The following DLGAP1 variants were observed in gnomAD, a reference collection of about 807,000 sequenced individuals.
DLGAP1 encodes the protein DLG associated protein 1.
A neutral mutation model predicts 90.8 loss-of-function variants in DLGAP1; 11 were observed. The ratio of observed to expected loss-of-function variants is 0.12; its 90% CI spans 0.08 to 0.20. The LOEUF is 0.20. Ranked by LOEUF, DLGAP1 falls within the 10% of genes least tolerant of loss-of-function variation. DLGAP1 has a pLI of 1.00. For synonymous variants in DLGAP1, 558 were observed against 540.7 expected, an observed-to-expected ratio of 1.03 and a Z score of -0.44; for missense variants, 1,050 against 1,333.8, an observed-to-expected ratio of 0.79 and a Z score of 3.31.
intron 7 of DLGAP1, among the ~76,000 whole-genome samples, chr18:3,600,665 G>GAGATCTATAT (rs1568276525): frequency 2.9e-5 from 4 of 138,198 alleles, no homozygotes; most frequent in African/African-American, 8.2e-5. Context: ...GATATCTATA[G>GAGATCTATAT]AGATCTATAG....
At chr18:3,652,058 G>C (rs1425002367) in intron 7 of DLGAP1, among the ~76,000 whole-genome samples, 1 of 151,866 alleles carries the variant, frequency 6.6e-6, no homozygotes, top group Non-Finnish European at 1.5e-5. Context: ...CAGCTACTCA[G>C]GGGGCTGAGG....
chr18:3,880,504 T>C (rs2071127569), intron 3 of DLGAP1, among the ~76,000 whole-genome samples: 1 of 152,110 alleles, frequency 6.6e-6, no homozygotes, highest in African/African-American at 2.4e-5. Context: ...GGGTGCCATC[T>C]GCGACCGTGT....
rs761957791 is a variant in DLGAP1 at position 3,845,188 on chromosome 18, C to G, written c.958-30915G>C. On this transcript the variant is annotated intron_variant, in intron 4 of 12. Transcript: ENST00000315677. ...AGCACAGAAATCAAGCACAAAGAAACGATTTATTTTCCTTTCCATAGCCCA... is the reference window on the plus strand; with the variant it reads ...AGCACAGAAATCAAGCACAAAGAAAGGATTTATTTTCCTTTCCATAGCCCA... 4 of 1,603,134 alleles carry G rather than the reference C, an allele frequency of 2.5e-6. No homozygotes were observed. The East Asian group carries it at 9.0e-5, about 36-fold the overall frequency.
At chr18:4,325,012 C>T (rs1251499543) in intron 1 of DLGAP1, among the ~76,000 whole-genome samples, 2 of 152,094 alleles carry the variant, frequency 1.3e-5, no homozygotes, top group Non-Finnish European at 2.9e-5. Context: ...GAAGTCCCGA[C>T]AAGCACAGTC....
At chr18:3,820,188 C>G (rs751366791) in intron 4 of DLGAP1, among the ~76,000 whole-genome samples, 1 of 152,048 alleles carries the variant, frequency 6.6e-6, no homozygotes, top group East Asian at 1.9e-4. Flanking sequence ...AATGAGAATG[C>G]GTGAGATTTT....
chr18:3,526,904 C>A lies in DLGAP1; in HGVS notation c.2479+7290G>T, dbSNP rs1044620170. Among the ~76,000 whole-genome samples, 2 of 151,970 alleles carry A rather than the reference C, an allele frequency of 1.3e-5. No individual in the cohort carries two copies. The highest frequency in any genetic ancestry group is 2.4e-5 in the African/African-American group (1 of 41,346). On this transcript the variant is annotated intron_variant, in intron 10 of 12. Coordinates refer to ENST00000315677, the MANE Select transcript of DLGAP1 (RefSeq NM_004746.4). This position sits in a 1 kb window ranked among gnomAD's most constrained non-coding sequence, Gnocchi z 4.7. The stretch of plus-strand genomic sequence containing the variant: ...TCGTATCATTTTACTTCAAGTGCTG[C>A]GGGAACAAGCATTCTGTCAGCTGTC...
chr18:4,366,434 T>C (rs2144155464), intron 1 of DLGAP1, among the ~76,000 whole-genome samples: 1 of 152,196 alleles, frequency 6.6e-6, no homozygotes, highest in East Asian at 1.9e-4. Flanking sequence ...AAAAAGAGCA[T>C]GTCATGCACT....
At chr18:4,243,793 T>G (rs1258272218) in intron 1 of DLGAP1, among the ~76,000 whole-genome samples, 3 of 152,140 alleles carry the variant, frequency 2.0e-5, no homozygotes. Context: ...AGTTCTGATT[T>G]TTGGAAAAAA....
intron 1 of DLGAP1, among the ~76,000 whole-genome samples, chr18:4,377,694 T>C (rs879635083): frequency 2.0e-5 from 3 of 152,104 alleles, no homozygotes; most frequent in African/African-American, 4.8e-5. Flanking sequence ...ATACACACAG[T>C]CATGATTCAC....
At chr18:3,986,549 T>C (rs573230757) in intron 3 of DLGAP1, 12 of 152,284 alleles carry the variant, frequency 7.9e-5, no homozygotes, top group Admixed American at 5.2e-4. Flanking sequence ...CTCGGCTTCA[T>C]GCTTTTATTT....
chr18:3,988,742 C>T (rs1380957079), intron 3 of DLGAP1, among the ~76,000 whole-genome samples: 4 of 152,176 alleles, frequency 2.6e-5, no homozygotes, highest in East Asian at 3.9e-4. Flanking sequence ...GAAAGATGCA[C>T]TGTGTACTGT....
Position 4,255,869 on chromosome 18 carries a change from A to T in DLGAP1, c.-266-104582T>A, listed in dbSNP as rs560240358. On this transcript the variant is annotated intron_variant, in intron 1 of 12. Coordinates refer to ENST00000315677, the MANE Select transcript of DLGAP1 (RefSeq NM_004746.4). Reference sequence around the variant, plus strand: ...AAATATTAGAGATATTTTATCTAGAAAATTTCAACAAATCCTAAGGAAATT... The same window carrying T: ...AAATATTAGAGATATTTTATCTAGATAATTTCAACAAATCCTAAGGAAATT... 7.4e-4 allele frequency among the ~76,000 whole-genome samples: 112 copies of T among 152,292 alleles called. 1 individual carries two copies. The highest frequency in any genetic ancestry group is 2.5e-3 in the African/African-American group (105 of 41,556).
At chr18:4,224,146 G>C (rs1160485776) in intron 1 of DLGAP1, among the ~76,000 whole-genome samples, 1 of 152,136 alleles carries the variant, frequency 6.6e-6, no homozygotes, top group East Asian at 1.9e-4. Context: ...TTCATCACGG[G>C]CTGACTAAAG....
chr18:4,203,072 C>A (rs912638573), intron 1 of DLGAP1, among the ~76,000 whole-genome samples: 1 of 151,834 alleles, frequency 6.6e-6, no homozygotes, highest in Non-Finnish European at 1.5e-5. Flanking sequence ...GTCAGGAGTT[C>A]GAGACCAGCC....
chr18:4,136,515 T>C lies in DLGAP1; in HGVS notation c.-159+14665A>G, dbSNP rs561171110. ...ATGATGGTGAGCACCTTCTCATATA[T>C]CTGTTTGGTATTTGTATGTCTTGTT... is the stretch of plus-strand genomic sequence containing the variant. On this transcript the variant is annotated intron_variant, in intron 2 of 12. Coordinates refer to ENST00000315677, the MANE Select transcript of DLGAP1 (RefSeq NM_004746.4). Among the ~76,000 whole-genome samples the C allele has an allele frequency of 2.7e-4, 41 of 152,318 alleles. No homozygotes were observed. In the South Asian group the frequency reaches 2.9e-3, roughly 11 times the overall value.
chr18:3,776,776 A>G (rs1168058238), intron 5 of DLGAP1, among the ~76,000 whole-genome samples: 1 of 152,208 alleles, frequency 6.6e-6, no homozygotes, highest in Non-Finnish European at 1.5e-5. Context: ...GATCACTGGG[A>G]AAATTATTTC....
chr18:4,399,991 A>G (rs984618238), intron 1 of DLGAP1, among the ~76,000 whole-genome samples: 2 of 152,044 alleles, frequency 1.3e-5, no homozygotes, highest in Admixed American at 1.3e-4. Context: ...GCCCTAAATA[A>G]AAAAAAGTAC....
At chr18:3,502,006 A>T (rs1482566771) in intron 12 of DLGAP1, 5 of 254,954 alleles carry the variant, frequency 2.0e-5, no homozygotes, top group Non-Finnish European at 3.0e-5. Flanking sequence ...ACTTTATGGT[A>T]TATATTTTTA....
intron 7 of DLGAP1, among the ~76,000 whole-genome samples, chr18:3,676,285 T>C (rs902880521): frequency 6.6e-6 from 1 of 152,220 alleles, no homozygotes; most frequent in Admixed American, 6.5e-5. Context: ...TCACACTTAA[T>C]TGAACCAATC....
Sources: allele counts gnomAD v4.1 joint callset (sites outside exome capture counted in the v4.1 genomes callset), GRCh38; gene constraint gnomAD v4.1.1; non-coding constraint Gnocchi (gnomAD v3.1); transcripts MANE v1.5; gene names NCBI Gene and HGNC (gene_info 2026-07-23, HGNC 2026-07-21).